The following SMCHD1 variants were observed in gnomAD, a reference collection of about 807,000 sequenced individuals.
SMCHD1 encodes structural maintenance of chromosomes flexible hinge domain-containing protein 1.
A neutral mutation model predicts 254.7 loss-of-function variants in SMCHD1; 78 were observed. The observed-to-expected ratio is 0.31, with a 90% CI of 0.26 to 0.37. The LOEUF is 0.37. Among genes scored for constraint, SMCHD1 ranks in the 10% least tolerant of loss-of-function variants. SMCHD1 has a pLI of 1.00. For synonymous variants in SMCHD1, 766 were observed against 794.9 expected, an observed-to-expected ratio of 0.96 and a Z score of 0.61; for missense variants, 1,840 against 2,408.1, an observed-to-expected ratio of 0.76 and a Z score of 4.94.
intron 45 of SMCHD1, among the ~76,000 whole-genome samples, chr18:2,785,445 G>C (rs1011174690): frequency 1.3e-5 from 2 of 151,784 alleles, no homozygotes; most frequent in Non-Finnish European, 2.9e-5. Context: ...TCAGGAGATC[G>C]AGCCCATCTT....
chr18:2,680,958 A>G (rs2073909203), intron 5 of SMCHD1, among the ~76,000 whole-genome samples: 1 of 152,136 alleles, frequency 6.6e-6, no homozygotes, highest in Non-Finnish European at 1.5e-5. Flanking sequence ...GTGTATCTCA[A>G]ACCCTTGTTA....
intron 41 of SMCHD1, among the ~76,000 whole-genome samples, chr18:2,773,147 C>T (rs930409409): frequency 1.3e-5 from 2 of 151,968 alleles, no homozygotes; most frequent in African/African-American, 4.8e-5. Context: ...ATGTGTATGA[C>T]CAAAACCGTG....
At chr18:2,691,695 G>A (rs1362416558) in intron 7 of SMCHD1, 4 of 152,248 alleles carry the variant, frequency 2.6e-5, no homozygotes, top group South Asian at 2.1e-4. Flanking sequence ...AAGGGCCAAA[G>A]GAATGAATTA....
intron 19 of SMCHD1, 92 bp from the exon 20 acceptor site, chr18:2,722,427 A>C (rs950874367): frequency 2.5e-5 from 27 of 1,072,172 alleles, no homozygotes; most frequent in Non-Finnish European, 3.4e-5. Flanking sequence ...GATTTCTAAA[A>C]TTTCTCAGAT....
At chr18:2,787,691 A>G (rs1336863759) in intron 45 of SMCHD1, among the ~76,000 whole-genome samples, 2 of 152,250 alleles carry the variant, frequency 1.3e-5, no homozygotes, top group Non-Finnish European at 2.9e-5. Context: ...CATATTTAAT[A>G]GTTGCTTAGC....
At chr18:2,767,583 C>A (rs1413182669) in intron 37 of SMCHD1, among the ~76,000 whole-genome samples, 1 of 89,034 alleles carries the variant, frequency 1.1e-5, no homozygotes, top group Non-Finnish European at 2.4e-5. Flanking sequence ...CAACCTATTT[C>A]CTTTTTTTTT....
At chr18:2,781,586 GAAC>G (rs1316580695) in intron 44 of SMCHD1, among the ~76,000 whole-genome samples, 3 of 151,960 alleles carry the variant, frequency 2.0e-5, no homozygotes, top group Non-Finnish European at 4.4e-5. Context: ...AATGAGAAAA[GAAC>G]AAGTTAAATT....
At chr18:2,755,565 CTTTTTT>C (rs11413061) in intron 34 of SMCHD1, among the ~76,000 whole-genome samples, 2 of 108,166 alleles carry the variant, frequency 1.8e-5, no homozygotes, top group Admixed American at 9.7e-5. Flanking sequence ...TTCTTTCTTT[CTTTTTT>C]TTTTTTTTTT....
rs1486663776 is a variant in SMCHD1, at chr18:2,738,378, A to G, written c.3277-19A>G. ...TTAGACGAAGCTTTATTATTGTTAA[A>G]TATCTCTTTTTCTCCTAGGTTAATT... On this transcript the variant is annotated intron_variant, in intron 25 of 47. Transcript: ENST00000320876. 2 of 1,559,952 alleles carry G rather than the reference A, an allele frequency of 1.3e-6. No homozygotes were observed. The highest frequency in any genetic ancestry group is 1.4e-5 in the African/African-American group (1 of 73,126).
chr18:2,708,907 T>TATA (rs769432583), intron 17 of SMCHD1, among the ~76,000 whole-genome samples: 2 of 44,702 alleles, frequency 4.5e-5, no homozygotes, highest in African/African-American at 1.7e-4. Context: ...TATATATATA[T>TATA]AACATATTAA....
rs2076404016 is a variant in SMCHD1 at position 2,803,751 on chromosome 18, G to GTAAT, written c.*1202_*1205dup. The GTAAT allele has an allele frequency of 6.6e-6, 1 of 152,124 alleles. No homozygotes were observed. Among genetic ancestry groups the GTAAT allele is most frequent in the Non-Finnish European group, 1.5e-5 (1 of 68,014 alleles). 9.4% of individuals were successfully genotyped at this position (152,124 alleles called of 1,614,324 possible). On this transcript the variant is annotated 3_prime_UTR_variant, in exon 48 of 48. Coordinates refer to ENST00000320876, the MANE Select transcript of SMCHD1 (RefSeq NM_015295.3). ...TTGTTGTTACAGAAGAAACAAAATG[G>GTAAT]TAATTACAGAATTAGCTGTGGGGAA...
In SMCHD1 at chr18:2,663,808, G is replaced by A. The variant is rs145708061; in HGVS notation, c.187-2349G>A. Reference sequence around the variant, plus strand: ...CACCTTACTGCCAGCTCCACCTCCCGGGTTCACGCCATTCTCCTGCCTCAG... The same window carrying A: ...CACCTTACTGCCAGCTCCACCTCCCAGGTTCACGCCATTCTCCTGCCTCAG... On this transcript the variant is annotated intron_variant, in intron 1 of 47. Transcript: ENST00000320876. 4.9e-4 allele frequency among the ~76,000 whole-genome samples: 75 copies of A among 151,884 alleles called. 1 individual carries two copies. In the East Asian group the frequency reaches 0.011, roughly 23 times the overall value.
chr18:2,793,982 T>C (rs1176506462), intron 45 of SMCHD1, among the ~76,000 whole-genome samples: 1 of 152,234 alleles, frequency 6.6e-6, no homozygotes. Flanking sequence ...GTTTTACTTA[T>C]AAACTACTTA....
At chr18:2,736,947 C>T (rs911165190) in intron 25 of SMCHD1, among the ~76,000 whole-genome samples, 1 of 152,134 alleles carries the variant, frequency 6.6e-6, no homozygotes, top group African/African-American at 2.4e-5. Context: ...GTGCAGTTTT[C>T]TGTTTATCTC....
chr18:2,781,348 A>G (rs113193546), intron 44 of SMCHD1, among the ~76,000 whole-genome samples: 6 of 152,228 alleles, frequency 3.9e-5, no homozygotes, highest in Admixed American at 2.0e-4. Flanking sequence ...TCTGTTTGCA[A>G]TGTGTATTCA....
chr18:2,678,855 GTTTT>G (rs869076850), intron 5 of SMCHD1, among the ~76,000 whole-genome samples: 608 of 28,290 alleles, frequency 0.021, 5 homozygotes, highest in African/African-American at 0.029. Flanking sequence ...TTGTTTTTTT[GTTTT>G]TTTTTTTGAG....
Position 2,695,708 on chromosome 18 carries a change from A to C in SMCHD1, c.1040+1015A>C, listed in dbSNP as rs547081554. Among the ~76,000 whole-genome samples the C allele has an allele frequency of 3.9e-5, 6 of 152,328 alleles. No homozygotes were observed. In the South Asian group the frequency reaches 1.2e-3, roughly 32 times the overall value. On this transcript the variant is annotated intron_variant, in intron 8 of 47. Transcript: ENST00000320876. ...TTACTGAGACTTGCAAAATGGGTAC[A>C]TCTGCTCAAAATTCATATTTTAAAA...
At chr18:2,693,343 G>C (rs930935395) in intron 7 of SMCHD1, among the ~76,000 whole-genome samples, 3 of 152,190 alleles carry the variant, frequency 2.0e-5, no homozygotes, top group East Asian at 3.8e-4. Context: ...GAACATCATA[G>C]AGTGTACTTA....
chr18:2,740,676 C>T (rs1568280732), intron 27 of SMCHD1, 27 bp from the exon 28 acceptor site: 1 of 1,286,404 alleles, frequency 7.8e-7, no homozygotes, highest in Admixed American at 1.9e-5. Flanking sequence ...AAAGATAATA[C>T]TAAAATAAAA....
Sources: allele counts gnomAD v4.1 joint callset (sites outside exome capture counted in the v4.1 genomes callset), GRCh38; gene constraint gnomAD v4.1.1; transcripts MANE v1.5; gene names NCBI Gene and HGNC (gene_info 2026-07-23, HGNC 2026-07-21).